MMP17: variants seen among roughly 807,000 people sequenced by gnomAD.
MMP17 encodes the protein matrix metalloproteinase-17.
In MMP17, 54 loss-of-function variants were observed where a neutral mutation model predicts 49.1. The observed-to-expected ratio is 1.10, with a 90% CI of 0.88 to 1.38. MMP17 has a LOEUF of 1.38. MMP17 is among the 40% of genes most tolerant of loss of function. The pLI is 0.00. For missense variants in MMP17, 837 were observed against 853.7 expected, an observed-to-expected ratio of 0.98 and a Z score of 0.24; for synonymous variants, 397 against 383.1, an observed-to-expected ratio of 1.04 and a Z score of -0.42.
rs1301281926 is a variant in MMP17 at position 131,828,708 on chromosome 12, C to T, written c.159+55C>T. The T allele has an allele frequency of 1.9e-5, 4 of 206,820 alleles. No individual in the cohort carries two copies. The South Asian group carries it at 5.0e-4, about 26-fold the overall frequency. The allele number at this position is 206,820 out of a possible 1,614,324, so 12.8% of individuals were successfully genotyped here. ...CTCCTGGGCCGGAGCCGGGGGTCTC[C>T]GCGGGCCGGGTGGCGGGGACCGGGA... On this transcript the variant is annotated intron_variant, in intron 1 of 9. Coordinates refer to ENST00000360564, the MANE Select transcript of MMP17 (RefSeq NM_016155.7).
In MMP17 at chr12:131,845,462, C is replaced by T; in HGVS notation, c.1204+13C>T. 1 of 1,547,046 alleles carries T rather than the reference C, an allele frequency of 6.5e-7. No individual in the cohort carries two copies. Among genetic ancestry groups the T allele is most frequent in the South Asian group, 1.2e-5 (1 of 85,126 alleles). On this transcript the variant is annotated intron_variant, in intron 8 of 9. Transcript: ENST00000360564. ...GTCTTCTTTAAAGGTGGGTGGGCCT[C>T]CCCGTCGCACTCCGGGCTTCCCGGG...
chr12:131,833,817 C>T (rs148424626), intron 1 of MMP17, among the ~76,000 whole-genome samples: 1,736 of 152,336 alleles, frequency 0.011, 23 homozygotes, highest in Non-Finnish European at 0.019. Flanking sequence ...CACATGCACC[C>T]GCCAGCCAGG....
At position 131,846,499 on chromosome 12, in the gene MMP17, T is replaced by C. The variant is rs1442164018; in HGVS notation, c.1204+1050T>C. Among the ~76,000 whole-genome samples the C allele has an allele frequency of 6.6e-6, 1 of 152,040 alleles. No homozygotes were observed. Among genetic ancestry groups the C allele is most frequent in the African/African-American group, 2.4e-5 (1 of 41,426 alleles). ...TGCAATTCTCCTGCCTCAGCCTCCCTAGTAGCTGGGATTACAAGGTGCCCG... is the reference window on the plus strand; with the variant it reads ...TGCAATTCTCCTGCCTCAGCCTCCCCAGTAGCTGGGATTACAAGGTGCCCG... On this transcript the variant is annotated intron_variant, in intron 8 of 9. Transcript: ENST00000360564. This position sits in a 1 kb window ranked among gnomAD's most constrained non-coding sequence, Gnocchi z 4.6.
At chr12:131,834,316 G>A (rs1886967832) in intron 1 of MMP17, among the ~76,000 whole-genome samples, 1 of 150,434 alleles carries the variant, frequency 6.6e-6, no homozygotes, top group Non-Finnish European at 1.5e-5. Context: ...CCCCTCCCCA[G>A]TGGCCTTCTG....
In MMP17 at chr12:131,838,228, G is replaced by A. The variant is rs754761505; in HGVS notation, c.193G>A (p.Ala65Thr). 2.5e-6 allele frequency: 4 copies of A among 1,613,038 alleles called. No homozygotes were observed. Among genetic ancestry groups the A allele is most frequent in the Non-Finnish European group, 3.4e-6 (4 of 1,179,894 alleles). ...WLSRFGYLPP[A>T]DPTTGQLQTQ... ...AAGCAGGTTCGGTTACCTGCCCCCGGCTGACCCCACAACAGGGCAGCTGCA... is the reference window on the plus strand; with the variant it reads ...AAGCAGGTTCGGTTACCTGCCCCCGACTGACCCCACAACAGGGCAGCTGCA... Residue 65 changes from alanine to threonine, a missense_variant, in exon 2 of 10, where the codon GCT becomes ACT. Coordinates refer to ENST00000360564, the MANE Select transcript of MMP17 (RefSeq NM_016155.7).
intron 1 of MMP17, among the ~76,000 whole-genome samples, chr12:131,837,618 T>C (rs934629269): frequency 6.6e-6 from 1 of 152,236 alleles, no homozygotes; most frequent in Admixed American, 6.5e-5. Context: ...CATTTTGCGG[T>C]CTCAGGAGGC....
intron 1 of MMP17, among the ~76,000 whole-genome samples, chr12:131,837,287 G>A (rs561088520): frequency 3.3e-4 from 50 of 152,220 alleles, no homozygotes; most frequent in Non-Finnish European, 6.5e-4. Context: ...AGGCAGCCTG[G>A]CTGGAACCTG....
At chr12:131,840,476 G>A (rs1449563955) in intron 3 of MMP17, 97 bp from the exon 4 acceptor site, 1 of 1,364,234 alleles carries the variant, frequency 7.3e-7, no homozygotes, top group Non-Finnish European at 9.9e-7. Context: ...ACCCTCATAG[G>A]GGCACCCCCG....
At chr12:131,843,652 A>G (rs956711017) in intron 5 of MMP17, among the ~76,000 whole-genome samples, 1 of 152,180 alleles carries the variant, frequency 6.6e-6, no homozygotes, top group African/African-American at 2.4e-5. Flanking sequence ...CATGCAGCCT[A>G]TAGCAGGCAC....
chr12:131,828,714 C>T (rs1886640724), intron 1 of MMP17, 61 bp downstream of exon 1: 1 of 196,182 alleles, frequency 5.1e-6, no homozygotes, highest in Non-Finnish European at 9.9e-6. Flanking sequence ...TCTCCGCGGG[C>T]CGGGTGGCGG....
intron 1 of MMP17, among the ~76,000 whole-genome samples, chr12:131,833,207 G>T (rs1886913993): frequency 6.6e-6 from 1 of 152,268 alleles, no homozygotes; most frequent in African/African-American, 2.4e-5. Context: ...ACCACCCCCA[G>T]CCTTGCAGTG....
intron 1 of MMP17, among the ~76,000 whole-genome samples, chr12:131,831,385 T>C (rs7302578): frequency 0.25 from 38,187 of 151,922 alleles, 6,331 homozygotes; most frequent in African/African-American, 0.46. Flanking sequence ...CTGCTGAGGT[T>C]GTGGGATGCT....
Position 131,851,580 on chromosome 12 carries a change from G to C in MMP17, c.*306G>C, listed in dbSNP as rs1403806412. The C allele has an allele frequency of 2.9e-6, 1 of 339,244 alleles. No homozygotes were observed. The highest frequency in any genetic ancestry group is 2.1e-5 in the African/African-American group (1 of 47,494). The allele number at this position is 339,244 out of a possible 1,614,324, so 21.0% of individuals were successfully genotyped here. A position where few individuals can be genotyped will look rare whatever the true frequency, so the allele number is the denominator to read the frequency against. On this transcript the variant is annotated 3_prime_UTR_variant, in exon 10 of 10. Coordinates refer to ENST00000360564, the MANE Select transcript of MMP17 (RefSeq NM_016155.7). ...GCCCTGGAGGGAGCATCTCGGGCTG[G>C]GGGCCCACCCCTCTCTGTGCCGGCG... is the stretch of plus-strand genomic sequence containing the variant.
intron 1 of MMP17, among the ~76,000 whole-genome samples, chr12:131,830,539 C>G (rs1228710767): frequency 6.6e-6 from 1 of 152,238 alleles, no homozygotes; most frequent in African/African-American, 2.4e-5. Context: ...AACCGCGGGC[C>G]GAGCTCAGGC....
intron 8 of MMP17, 122 bp from the exon 9 acceptor site, chr12:131,849,680 C>G: frequency 9.1e-7 from 1 of 1,104,734 alleles, no homozygotes; most frequent in Non-Finnish European, 1.3e-6. Flanking sequence ...GGCCGCTGTC[C>G]CATCAAGCCC....
At chr12:131,839,208 C>G in intron 3 of MMP17, among the ~76,000 whole-genome samples, 1 of 152,272 alleles carries the variant, frequency 6.6e-6, no homozygotes, top group Non-Finnish European at 1.5e-5. Context: ...GCCCTGTCCG[C>G]GCGCAGCCTC....
chr12:131,842,994 G>C (rs1485199067), intron 5 of MMP17, among the ~76,000 whole-genome samples: 2 of 151,958 alleles, frequency 1.3e-5, no homozygotes, highest in East Asian at 1.9e-4. Flanking sequence ...GCAACCTTTT[G>C]TGTCTGGCTC....
intron 1 of MMP17, among the ~76,000 whole-genome samples, chr12:131,833,608 C>T (rs937712099): frequency 6.6e-6 from 1 of 152,232 alleles, no homozygotes; most frequent in Admixed American, 6.5e-5. Context: ...CATCACTGAC[C>T]GTGTGCTGTG....
Position 131,842,698 on chromosome 12 carries a change from G to A in MMP17, c.883+898G>A, listed in dbSNP as rs376090774. On this transcript the variant is annotated intron_variant, in intron 5 of 9. Transcript: ENST00000360564. ...TGAGGCAGGAGAATCACTTGAACCC[G>A]GGAGGCAGAGGTTGCAGTGAGCTGA... Among the ~76,000 whole-genome samples the A allele has an allele frequency of 8.1e-4, 123 of 151,908 alleles. 1 individual carries two copies. The highest frequency in any genetic ancestry group is 2.4e-3 in the African/African-American group (99 of 41,418).
Sources: gnomAD v4.1 joint callset for allele counts (sites outside exome capture counted in the v4.1 genomes callset) on GRCh38, gnomAD v4.1.1 for gene constraint, Gnocchi (gnomAD v3.1) non-coding constraint, MANE v1.5 for transcripts, NCBI Gene and HGNC (gene_info 2026-07-23, HGNC 2026-07-21) for gene names.